SEC14L2: variants seen among roughly 807,000 people sequenced by gnomAD.
SEC14L2 encodes SEC14-like protein 2.
SEC14L2 carries 50 observed loss-of-function variants against 56.9 expected under a neutral mutation model. That is an observed-to-expected ratio of 0.88 (90% CI 0.70 to 1.11). The LOEUF is 1.11. SEC14L2 is among the 50% of genes most tolerant of loss of function. The pLI, the probability that SEC14L2 is intolerant of heterozygous loss-of-function variation, is 0.00. For synonymous variants in SEC14L2, 179 were observed against 188.5 expected (o/e 0.95, Z 0.41); for missense variants, 414 against 500.7 (o/e 0.83, Z 1.65).
At chr22:30,416,146 G>A (rs1934384664) in intron 10 of SEC14L2, 59 bp downstream of exon 10, 7 of 1,610,152 alleles carry the variant, frequency 4.3e-6, no homozygotes, top group Non-Finnish European at 4.2e-6. Context: ...CTGATAGGTG[G>A]GCTGGAATAG....
At chr22:30,407,690 C>T (rs1934136129) in intron 5 of SEC14L2, 87 bp downstream of exon 5, 1 of 1,179,178 alleles carries the variant, frequency 8.5e-7, no homozygotes, top group Non-Finnish European at 1.2e-6. Flanking sequence ...AATATAAGCA[C>T]AGCTTCAGGG....
chr22:30,422,578 G>A lies in SEC14L2; in HGVS notation c.*171G>A, dbSNP rs1347496126. The A allele has an allele frequency of 2.7e-6, 2 of 732,740 alleles. No individual in the cohort carries two copies. Among genetic ancestry groups the A allele is most frequent in the Non-Finnish European group, 4.3e-6 (2 of 463,022 alleles). 45.4% of individuals were successfully genotyped at this position (732,740 alleles called of 1,614,324 possible). A position where few individuals can be genotyped will look rare whatever the true frequency, so the allele number is the denominator to read the frequency against. ...GGAAGAGCGACTGCAGTGGGTCTCCGTGTCTATCAAATACCTAAGGAGTCC... is the reference window on the plus strand; with the variant it reads ...GGAAGAGCGACTGCAGTGGGTCTCCATGTCTATCAAATACCTAAGGAGTCC... On this transcript the variant is annotated 3_prime_UTR_variant, in exon 12 of 12. Transcript: ENST00000615189.
chr22:30,412,670 A>C (rs1280969532), intron 8 of SEC14L2, among the ~76,000 whole-genome samples: 1 of 151,942 alleles, frequency 6.6e-6, no homozygotes, highest in East Asian at 1.9e-4. Flanking sequence ...CAAAAAATAC[A>C]AAAATTAGCC....
In SEC14L2 at chr22:30,407,604, G is replaced by T; in HGVS notation, c.423+1G>T. 6.2e-7 allele frequency: 1 copy of T among 1,612,362 alleles called. No homozygotes were observed. Among genetic ancestry groups the T allele is most frequent in the Non-Finnish European group, 8.5e-7 (1 of 1,178,780 alleles). On this transcript the variant is annotated splice_donor_variant, in intron 5 of 11. Transcript: ENST00000615189. LOFTEE classifies it high-confidence loss of function. ...AGAGTGTGCCCACCAGACCACAAAG[G>T]TGAGTGGACCACCATGGCTAGAAAT...
Position 30,415,762 on chromosome 22 carries a change from A to G in SEC14L2, c.668A>G (p.Asn223Ser), listed in dbSNP as rs377034091. ...CCTTCCTTCCCTCTCCTGCCAGCAA[A>G]TTGGAAGGAGGTTTTACTGAAACAT... ...TRKKIMVLGA[N>S]WKEVLLKHIS... Residue 223 changes from asparagine to serine, a missense_variant, in exon 9 of 12, where the codon AAT becomes AGT. Coordinates refer to ENST00000615189, the MANE Select transcript of SEC14L2 (RefSeq NM_012429.5). The G allele has an allele frequency of 1.8e-4, 287 of 1,613,518 alleles. No individual in the cohort carries two copies. Among genetic ancestry groups the G allele is most frequent in the Non-Finnish European group, 2.3e-4 (266 of 1,179,654 alleles).
chr22:30,412,112 G>A (rs954662355), intron 8 of SEC14L2, among the ~76,000 whole-genome samples: 7 of 152,134 alleles, frequency 4.6e-5, no homozygotes, highest in Non-Finnish European at 7.4e-5. Context: ...AGAGAATCCC[G>A]GGCACTAGGT....
intron 2 of SEC14L2, chr22:30,400,554 T>C (rs576233346): frequency 9.2e-5 from 14 of 152,228 alleles, no homozygotes; most frequent in African/African-American, 3.1e-4. Context: ...ACACTTTTTT[T>C]CCCCTCTATA....
At chr22:30,405,100 G>C (rs1054400309) in intron 2 of SEC14L2, among the ~76,000 whole-genome samples, 1 of 151,962 alleles carries the variant, frequency 6.6e-6, no homozygotes, top group Non-Finnish European at 1.5e-5. Flanking sequence ...GAAAAAGAGA[G>C]TTCTTAGACA....
At chr22:30,420,198 C>T (rs1934481315) in intron 11 of SEC14L2, among the ~76,000 whole-genome samples, 1 of 152,174 alleles carries the variant, frequency 6.6e-6, no homozygotes, top group Non-Finnish European at 1.5e-5. Context: ...GGTGATCCAC[C>T]CGCCTCAGCC....
Position 30,416,222 on chromosome 22 carries a change from T to C in SEC14L2, c.912-12T>C, listed in dbSNP as rs1203588370. 1.2e-6 allele frequency: 2 copies of C among 1,613,276 alleles called. No homozygotes were observed. The highest frequency in any genetic ancestry group is 1.7e-6 in the Non-Finnish European group (2 of 1,179,272). On this transcript the variant is annotated splice_polypyrimidine_tract_variant and intron_variant, in intron 10 of 11. Coordinates refer to ENST00000615189, the MANE Select transcript of SEC14L2 (RefSeq NM_012429.5). ...GACAGAATTATGTCTCAATTGGTGA[T>C]ATCCCCTGCAGGTGGCAGTTTATGT...
In SEC14L2 at chr22:30,423,676, C is replaced by T. The variant is rs1475278775; in HGVS notation, c.*1269C>T. On this transcript the variant is annotated 3_prime_UTR_variant, in exon 12 of 12. Transcript: ENST00000615189. The stretch of plus-strand genomic sequence containing the variant: ...CCAGGCCCCGGCCCCGTCTGGGAAG[C>T]TCATCTTGCGAAGCTGAGGGAGCTC... The T allele has an allele frequency of 2.6e-5, 4 of 152,424 alleles. No individual in the cohort carries two copies. The highest frequency in any genetic ancestry group is 5.9e-5 in the Non-Finnish European group (4 of 68,180). 9.4% of individuals were successfully genotyped at this position (152,424 alleles called of 1,614,324 possible).
At chr22:30,415,324 T>A (rs1477181320) in intron 8 of SEC14L2, among the ~76,000 whole-genome samples, 1 of 152,110 alleles carries the variant, frequency 6.6e-6, no homozygotes, top group Non-Finnish European at 1.5e-5. Flanking sequence ...TCCTAGCTTC[T>A]CAGGAGGCTG....
At chr22:30,405,068 C>CA (rs71328849) in intron 2 of SEC14L2, among the ~76,000 whole-genome samples, 28,691 of 138,828 alleles carry the variant, frequency 0.21, 2,909 homozygotes, top group Middle Eastern at 0.32. Flanking sequence ...GAAATTGTCT[C>CA]AAAAAAAAAA....
At chr22:30,407,934 C>A (rs968648700) in intron 5 of SEC14L2, among the ~76,000 whole-genome samples, 3 of 152,012 alleles carry the variant, frequency 2.0e-5, no homozygotes, top group African/African-American at 4.8e-5. Flanking sequence ...TCCCAAATAT[C>A]TATTTTGCCA....
At chr22:30,410,818 G>A (rs541973067) in intron 8 of SEC14L2, 139 bp downstream of exon 8, 1 of 725,694 alleles carries the variant, frequency 1.4e-6, no homozygotes, top group South Asian at 1.7e-5. Flanking sequence ...GGAGCAAGCT[G>A]GGGTGGAGCT....
intron 11 of SEC14L2, among the ~76,000 whole-genome samples, chr22:30,419,273 C>T (rs180901100): frequency 2.0e-5 from 3 of 152,198 alleles, no homozygotes; most frequent in East Asian, 1.9e-4. Context: ...AAGTGATGGC[C>T]GGGCGTGGTG....
rs1934592250 is a variant in SEC14L2 at position 30,423,871 on chromosome 22, T to C, written c.*1464T>C. The C allele has an allele frequency of 6.6e-6, 1 of 152,236 alleles. No homozygotes were observed. Among genetic ancestry groups the C allele is most frequent in the Non-Finnish European group, 1.5e-5 (1 of 68,056 alleles). 9.4% of individuals were successfully genotyped at this position (152,236 alleles called of 1,614,324 possible). A position where few individuals can be genotyped will look rare whatever the true frequency, so the allele number is the denominator to read the frequency against. Reference sequence around the variant, plus strand: ...TGAAATTCAATGCCCACCGCTAGGCTCCTCGCTGCCTCTCACTCAAGAGGC... The same window carrying C: ...TGAAATTCAATGCCCACCGCTAGGCCCCTCGCTGCCTCTCACTCAAGAGGC... On this transcript the variant is annotated 3_prime_UTR_variant, in exon 12 of 12. Transcript: ENST00000615189.
chr22:30,423,811 A>AGG lies in SEC14L2; in HGVS notation c.*1404_*1405insGG, dbSNP rs1934590143. Reference sequence around the variant, plus strand: ...GTTTACAACGCTGTTAGGAAAATTAACCAATGAATAAAGCAACGTTCAGTG... The same window carrying AGG: ...GTTTACAACGCTGTTAGGAAAATTAAGGCCAATGAATAAAGCAACGTTCAGTG... On this transcript the variant is annotated 3_prime_UTR_variant, in exon 12 of 12. Transcript: ENST00000615189. 1 of 152,316 alleles carries AGG rather than the reference A, an allele frequency of 6.6e-6. No homozygotes were observed. Among genetic ancestry groups the AGG allele is most frequent in the African/African-American group, 2.4e-5 (1 of 41,464 alleles). 9.4% of individuals were successfully genotyped at this position (152,316 alleles called of 1,614,324 possible). A position where few individuals can be genotyped will look rare whatever the true frequency, so the allele number is the denominator to read the frequency against.
chr22:30,405,935 T>C (rs978254227), intron 2 of SEC14L2, among the ~76,000 whole-genome samples: 3 of 152,136 alleles, frequency 2.0e-5, no homozygotes, highest in Non-Finnish European at 4.4e-5. Flanking sequence ...TGAACTGTGG[T>C]GTCAAGGTCT....
Sources: gnomAD v4.1 joint callset for allele counts (sites outside exome capture counted in the v4.1 genomes callset) on GRCh38, gnomAD v4.1.1 for gene constraint, MANE v1.5 for transcripts, NCBI Gene and HGNC (gene_info 2026-07-23, HGNC 2026-07-21) for gene names.